Variants in HHLA1 observed in about 807,000 individuals in gnomAD.
HHLA1 encodes the protein HERV-H LTR-associating protein 1.
A neutral mutation model predicts 69.9 loss-of-function variants in HHLA1; 72 were observed. That is an observed-to-expected ratio of 1.03 (90% CI 0.85 to 1.25). The LOEUF (loss-of-function observed/expected upper bound fraction) is 1.25, where lower values mean the gene tolerates loss of function less well. Ranked by LOEUF, HHLA1 falls within the 50% of genes most tolerant of loss-of-function variation. The probability of loss-of-function intolerance (pLI) is 0.00; values close to 1 mark genes in which losing one functional copy is unlikely to be tolerated. For missense variants in HHLA1, 685 were observed against 642.2 expected, an observed-to-expected ratio of 1.07 and a Z score of -0.72; for synonymous variants, 252 against 233.2, an observed-to-expected ratio of 1.08 and a Z score of -0.73.
chr8:132,091,367 C>A (rs1183719520), intron 7 of HHLA1, among the ~76,000 whole-genome samples: 1 of 152,168 alleles, frequency 6.6e-6, no homozygotes, highest in Non-Finnish European at 1.5e-5. Context: ...GCCCAAGGCT[C>A]AGAAAGATGA....
chr8:132,108,474 A>G (rs1824241847), intron 1 of HHLA1, among the ~76,000 whole-genome samples: 1 of 152,182 alleles, frequency 6.6e-6, no homozygotes, highest in South Asian at 2.1e-4. Context: ...TTAAGTTGTC[A>G]TTATTTCACT....
chr8:132,093,500 T>C (rs1402566273), intron 7 of HHLA1, among the ~76,000 whole-genome samples: 1 of 152,138 alleles, frequency 6.6e-6, no homozygotes, highest in Non-Finnish European at 1.5e-5. Context: ...CCCGAAGGTG[T>C]TGAGCAACGG....
At chr8:132,068,526 C>T in intron 15 of HHLA1, among the ~76,000 whole-genome samples, 1 of 152,202 alleles carries the variant, frequency 6.6e-6, no homozygotes, top group Non-Finnish European at 1.5e-5. Context: ...GCTAGATGGT[C>T]TTAGAAGAAA....
rs577804068 is a variant in HHLA1 at position 132,079,603 on chromosome 8, T to C, written c.925+115A>G. On this transcript the variant is annotated intron_variant, in intron 11 of 16. Transcript: ENST00000414222. ...TCTGTTATTTAAGTAAGCTGAAGCG[T>C]AACTTCAGTTGGTGGAGAAGGGATT... 5.6e-5 allele frequency: 65 copies of C among 1,154,994 alleles called. No homozygotes were observed. In the African/African-American group the frequency reaches 9.5e-4, roughly 17 times the overall value. 71.5% of individuals were successfully genotyped at this position (1,154,994 alleles called of 1,614,324 possible).
At chr8:132,098,546 C>T (rs1008011550) in intron 5 of HHLA1, among the ~76,000 whole-genome samples, 2 of 152,154 alleles carry the variant, frequency 1.3e-5, no homozygotes, top group African/African-American at 4.8e-5. Flanking sequence ...ACTACAGCCT[C>T]GACCTTCTGG....
intron 1 of HHLA1, among the ~76,000 whole-genome samples, chr8:132,109,449 C>A (rs117589903): frequency 0.025 from 3,781 of 152,104 alleles, 86 homozygotes; most frequent in South Asian, 0.06. Context: ...AAACATTTTT[C>A]TCCTGTAATC....
intron 7 of HHLA1, among the ~76,000 whole-genome samples, chr8:132,093,224 C>T (rs1346686898): frequency 6.6e-6 from 1 of 152,088 alleles, no homozygotes; most frequent in African/African-American, 2.4e-5. Context: ...CCTTGGATAG[C>T]ATTTATTAGC....
chr8:132,075,784 T>C (rs1252895272), intron 14 of HHLA1, among the ~76,000 whole-genome samples: 1 of 152,150 alleles, frequency 6.6e-6, no homozygotes, highest in African/African-American at 2.4e-5. Flanking sequence ...ACAAACATTA[T>C]CTTACTTAAT....
At chr8:132,105,421 T>C in intron 1 of HHLA1, 135 bp from the exon 2 acceptor site, 1 of 644,802 alleles carries the variant, frequency 1.6e-6, no homozygotes, top group South Asian at 1.9e-5. Context: ...GTTAGGAAGC[T>C]AAGGTAACAA....
chr8:132,070,366 G>C (rs984221081), intron 15 of HHLA1: 21 of 701,616 alleles, frequency 3.0e-5, no homozygotes, highest in Non-Finnish European at 5.2e-5. Flanking sequence ...TGATTGGTAG[G>C]GATTTATGAA....
At chr8:132,071,611 A>C (rs754485065) in intron 14 of HHLA1, 118 bp from the exon 15 acceptor site, 23 of 897,658 alleles carry the variant, frequency 2.6e-5, no homozygotes, top group Non-Finnish European at 3.7e-5. Context: ...GCTCTGAGAC[A>C]GACAGGTAAA....
At chr8:132,097,587 G>T (rs1347644577) in intron 5 of HHLA1, among the ~76,000 whole-genome samples, 3 of 152,182 alleles carry the variant, frequency 2.0e-5, no homozygotes, top group African/African-American at 4.8e-5. Context: ...GCAGGGCCTT[G>T]CAGAGGAAAG....
At chr8:132,101,152 A>G (rs752123830) in intron 3 of HHLA1, 3 of 1,522,862 alleles carry the variant, frequency 2.0e-6, no homozygotes, top group Non-Finnish European at 2.6e-6. Context: ...TTCATTTTGC[A>G]AATAGAAAAC....
At chr8:132,096,822 C>CT (rs1284168584) in intron 5 of HHLA1, among the ~76,000 whole-genome samples, 1 of 151,986 alleles carries the variant, frequency 6.6e-6, no homozygotes, top group African/African-American at 2.4e-5. Flanking sequence ...GAATTTTTTT[C>CT]TTTTTTAGAC....
chr8:132,106,999 GA>G (rs1375079142), intron 1 of HHLA1, among the ~76,000 whole-genome samples: 1 of 152,172 alleles, frequency 6.6e-6, no homozygotes, highest in African/African-American at 2.4e-5. Flanking sequence ...AAGATTAAAT[GA>G]GAATGAAATA....
intron 10 of HHLA1, 189 bp from the exon 11 acceptor site, chr8:132,080,155 C>G: frequency 1.3e-6 from 1 of 776,528 alleles, no homozygotes; most frequent in South Asian, 1.5e-5. Context: ...CCACCTCCAG[C>G]CCTCAGCCTC....
At chr8:132,082,242 G>A (rs1823764617) in intron 10 of HHLA1, among the ~76,000 whole-genome samples, 2 of 152,232 alleles carry the variant, frequency 1.3e-5, no homozygotes, top group African/African-American at 4.8e-5. Context: ...TGGAAGTTAT[G>A]AGAACTGTAG....
At chr8:132,103,618 AAAAT>A (rs144841392) in intron 3 of HHLA1, among the ~76,000 whole-genome samples, 39 of 151,684 alleles carry the variant, frequency 2.6e-4, no homozygotes, top group Non-Finnish European at 4.9e-4. Context: ...ACCCCATCTC[AAAAT>A]AAATAAATAA....
At chr8:132,065,827 G>A in intron 16 of HHLA1, 59 bp downstream of exon 16, 1 of 762,226 alleles carries the variant, frequency 1.3e-6, no homozygotes, top group Non-Finnish European at 2.0e-6. Context: ...AGATTTACAG[G>A]ACCCTTTTGT....
Sources: gnomAD v4.1 joint callset for allele counts (sites outside exome capture counted in the v4.1 genomes callset) on GRCh38, gnomAD v4.1.1 for gene constraint, MANE v1.5 for transcripts, NCBI Gene and HGNC (gene_info 2026-07-23, HGNC 2026-07-21) for gene names.